DEDD2: variants seen among roughly 807,000 people sequenced by gnomAD.
DEDD2 encodes the protein DNA-binding death effector domain-containing protein 2.
A neutral mutation model predicts 28.9 loss-of-function variants in DEDD2; 18 were observed. The observed-to-expected ratio is 0.62, with a 90% CI of 0.43 to 0.92. The LOEUF is 0.92. Ranked by LOEUF, DEDD2 falls within the 40% of genes least tolerant of loss-of-function variation. The pLI is 0.00. For missense variants in DEDD2, 411 were observed against 463.3 expected, an observed-to-expected ratio of 0.89 and a Z score of 1.04; for synonymous variants, 211 against 206.1, an observed-to-expected ratio of 1.02 and a Z score of -0.20.
chr19:42,216,781 C>A lies in DEDD2; in HGVS notation c.227G>T (p.Gly76Val). 1.3e-6 allele frequency: 2 copies of A among 1,589,166 alleles called. No individual in the cohort carries two copies. Among genetic ancestry groups the A allele is most frequent in the South Asian group, 2.3e-5 (2 of 88,418 alleles). The part of the protein sequence containing the change: ...LELLLELERR[G>V]QCDESNLRLL... ...CCGCAGGTTGCTCTCGTCGCACTGC[C>A]CGCGGCGCTCCAGCTCCAGCAGGAG... Residue 76 changes from glycine (G) to valine (V), a missense_variant, in exon 2 of 5, where the codon GGG (glycine) becomes GTG (valine). Gly to Val is a moderately radical substitution (Grantham distance 109). Around this residue, in one of 2 missense-constraint regions of DEDD2, gnomAD observed 282 missense variants for 273.4 expected, o/e 1.03. Coordinates refer to ENST00000596251, the MANE Select transcript of DEDD2 (RefSeq NM_133328.4).
chr19:42,219,531 G>A (rs1204484897), upstream of DEDD2, among the ~76,000 whole-genome samples: 1 of 152,242 alleles, frequency 6.6e-6, no homozygotes, highest in Non-Finnish European at 1.5e-5. Context: ...GAACCCGGGA[G>A]GCGGAGGTTG....
intron 3 of DEDD2, 77 bp from the exon 4 acceptor site, chr19:42,209,917 T>G (rs1475315040): frequency 1.4e-6 from 2 of 1,446,694 alleles, no homozygotes; most frequent in Non-Finnish European, 1.8e-6. Context: ...GGAAAAGAAC[T>G]CAAGGTGTTC....
intron 4 of DEDD2, among the ~76,000 whole-genome samples, chr19:42,203,514 C>T (rs546585767): frequency 2.2e-4 from 33 of 152,154 alleles, no homozygotes; most frequent in Non-Finnish European, 3.7e-4. Context: ...TAAGGGAGAA[C>T]GGGCAGCCAG....
intron 4 of DEDD2, among the ~76,000 whole-genome samples, chr19:42,204,916 A>G (rs2035471547): frequency 1.3e-5 from 2 of 152,208 alleles, no homozygotes; most frequent in Non-Finnish European, 2.9e-5. Context: ...TTCAACTCCT[A>G]CTGAATTGAG....
chr19:42,212,191 C>T (rs2035796207), intron 3 of DEDD2, among the ~76,000 whole-genome samples: 1 of 151,854 alleles, frequency 6.6e-6, no homozygotes, highest in African/African-American at 2.4e-5. Context: ...CATGGTGAAA[C>T]TGCGTCCCTA....
At chr19:42,210,930 C>T (rs1199280688) in intron 3 of DEDD2, among the ~76,000 whole-genome samples, 4 of 151,548 alleles carry the variant, frequency 2.6e-5, no homozygotes, top group South Asian at 2.1e-4. Context: ...ATCAGCTGGG[C>T]GTGGTGGCGC....
At position 42,199,730 on chromosome 19, in the gene DEDD2, T is replaced by C; in HGVS notation, c.689A>G (p.Asp230Gly). The C allele has an allele frequency of 6.2e-7, 1 of 1,613,422 alleles. No individual in the cohort carries two copies. The highest frequency in any genetic ancestry group is 2.2e-5 in the East Asian group (1 of 44,864). The stretch of plus-strand genomic sequence containing the variant: ...CACTGCGGTGGCCTGCCCAAACACG[T>C]CCAGCTGCCGCGCCAGCGCCTGGGG... ...RRPQALARQL[D>G]VFGQATAVLR... The change falls in exon 5 of 5, where the codon GAC (aspartate) becomes GGC (glycine). Residue 230 changes from aspartate (D) to glycine (G), a missense_variant. Coordinates refer to ENST00000596251, the MANE Select transcript of DEDD2 (RefSeq NM_133328.4). The surrounding 1 kb of genome is among the most constrained non-coding windows in gnomAD (Gnocchi z 7.4).
Position 42,199,968 on chromosome 19 carries a change from G to A in DEDD2, c.590-139C>T, listed in dbSNP as rs1599748664. ...CCCTAGTCCTGACACAGCCTCCCCG[G>A]CTCTGTGGGGTTCCCTGACCAAGTA... On this transcript the variant is annotated intron_variant, in intron 4 of 4. Coordinates refer to ENST00000596251, the MANE Select transcript of DEDD2 (RefSeq NM_133328.4). The surrounding 1 kb of genome is among the most constrained non-coding windows in gnomAD (Gnocchi z 7.4). 1.6e-5 allele frequency: 21 copies of A among 1,319,692 alleles called. No homozygotes were observed. The East Asian group carries it at 3.8e-4, about 24-fold the overall frequency. The allele number at this position is 1,319,692 out of a possible 1,614,324, so 81.7% of individuals were successfully genotyped here. A position where few individuals can be genotyped will look rare whatever the true frequency, so the allele number is the denominator to read the frequency against.
Position 42,199,628 on chromosome 19 carries a change from C to T in DEDD2, c.791G>A (p.Gly264Asp). ...SELSYLDAFW[G>D]DYLSGALLQA... is the part of the protein sequence containing the mutation. ...CAGCAGGGCGCCACTCAGGTAGTCGCCCCAGAAGGCGTCCAGATAGGAGAG... is the reference window on the plus strand; with the variant it reads ...CAGCAGGGCGCCACTCAGGTAGTCGTCCCAGAAGGCGTCCAGATAGGAGAG... The change falls in exon 5 of 5, where the codon GGC (glycine) becomes GAC (aspartate). Residue 264 changes from glycine (G) to aspartate (D), a missense_variant. By Grantham distance (94) the Gly-to-Asp change is moderately conservative. Around this residue, in one of 2 missense-constraint regions of DEDD2, gnomAD observed 129 missense variants for 189.9 expected, o/e 0.68. Coordinates refer to ENST00000596251, the MANE Select transcript of DEDD2 (RefSeq NM_133328.4). The surrounding 1 kb of genome is among the most constrained non-coding windows in gnomAD (Gnocchi z 7.4). 15 of 1,614,154 alleles carry T rather than the reference C, an allele frequency of 9.3e-6. No individual in the cohort carries two copies. Among genetic ancestry groups the T allele is most frequent in the Non-Finnish European group, 1.3e-5 (15 of 1,179,992 alleles).
At chr19:42,210,995 A>C (rs2035737098) in intron 3 of DEDD2, among the ~76,000 whole-genome samples, 1 of 149,892 alleles carries the variant, frequency 6.7e-6, no homozygotes, top group South Asian at 2.1e-4. Context: ...GCTTGAACCC[A>C]GGAGCTGGAG....
At position 42,199,829 on chromosome 19, in the gene DEDD2, T is replaced by C; in HGVS notation, c.590A>G (p.Asp197Gly). Residue 197 changes from aspartate (D) to glycine (G), a missense_variant and splice_region_variant, in exon 5 of 5, where the codon GAC becomes GGC. Around this residue, in one of 2 missense-constraint regions of DEDD2, gnomAD observed 129 missense variants for 189.9 expected, o/e 0.68. Coordinates refer to ENST00000596251, the MANE Select transcript of DEDD2 (RefSeq NM_133328.4). The surrounding 1 kb of genome is among the most constrained non-coding windows in gnomAD (Gnocchi z 7.4). ...RPSSEGKVTC[D>G]IRLRVRAEYC... Reference sequence around the variant, plus strand: ...CTCTGCTCGAACCCGGAGCCGGATGTCTGCAGGGGAAGGAGGGATTTGTCA... The same window carrying C: ...CTCTGCTCGAACCCGGAGCCGGATGCCTGCAGGGGAAGGAGGGATTTGTCA... 6.3e-7 allele frequency: 1 copy of C among 1,585,996 alleles called. No individual in the cohort carries two copies. Among genetic ancestry groups the C allele is most frequent in the Non-Finnish European group, 8.6e-7 (1 of 1,165,556 alleles).
chr19:42,215,244 C>T lies in DEDD2; in HGVS notation c.337G>A (p.Glu113Lys). Residue 113 changes from glutamate to lysine, a missense_variant, in exon 3 of 5, where the codon GAA becomes AAA. Glu to Lys is a moderately conservative substitution (Grantham distance 56). Around this residue, in one of 2 missense-constraint regions of DEDD2, gnomAD observed 282 missense variants for 273.4 expected, o/e 1.03. Coordinates refer to ENST00000596251, the MANE Select transcript of DEDD2 (RefSeq NM_133328.4). ...CTGGAGGTGCCATAGCTATAGCGTTCTGGAGACACTGGAGGAAGAGAAGAA... is the reference window on the plus strand; with the variant it reads ...CTGGAGGTGCCATAGCTATAGCGTTTTGGAGACACTGGAGGAAGAGAAGAA... ...ARKRRRPVSPERYSYGTSSSS... is the reference protein window; with the variant it reads ...ARKRRRPVSPKRYSYGTSSSS... 1 of 1,614,054 alleles carries T rather than the reference C, an allele frequency of 6.2e-7. No individual in the cohort carries two copies. Among genetic ancestry groups the T allele is most frequent in the Non-Finnish European group, 8.5e-7 (1 of 1,179,958 alleles).
intron 4 of DEDD2, among the ~76,000 whole-genome samples, chr19:42,205,760 A>AGTCTATCTACTTTGGTGTATT (rs1438327213): frequency 2.0e-5 from 3 of 152,120 alleles, no homozygotes; most frequent in Non-Finnish European, 4.4e-5. Context: ...GGCTAAAGCT[A>AGTCTATCTACTTTGGTGTATT]GTCTATCTAC....
chr19:42,216,349 T>C (rs2035967129), intron 2 of DEDD2, among the ~76,000 whole-genome samples: 1 of 152,216 alleles, frequency 6.6e-6, no homozygotes, highest in African/African-American at 2.4e-5. Context: ...TGTTATTTTC[T>C]TGGTTACAGT....
Position 42,199,516 on chromosome 19 carries a change from C to A in DEDD2, c.903G>T (p.Glu301Asp). The part of the protein sequence containing the change: ...EAVRLLVSVD[E>D]ADYEAGRRRL... Reference sequence around the variant, plus strand: ...GGCGCCGGCCAGCCTCATAGTCAGCCTCATCCACACTGACCAGCAGGCGAA... The same window carrying A: ...GGCGCCGGCCAGCCTCATAGTCAGCATCATCCACACTGACCAGCAGGCGAA... The change falls in exon 5 of 5, where the codon GAG becomes GAT. Residue 301 changes from glutamate (E) to aspartate (D), a missense_variant. By Grantham distance (45) the Glu-to-Asp change is conservative. Coordinates refer to ENST00000596251, the MANE Select transcript of DEDD2 (RefSeq NM_133328.4). This position sits in a 1 kb window ranked among gnomAD's most constrained non-coding sequence, Gnocchi z 7.4. The A allele has an allele frequency of 6.2e-7, 1 of 1,613,984 alleles. No individual in the cohort carries two copies. Among genetic ancestry groups the A allele is most frequent in the East Asian group, 2.2e-5 (1 of 44,876 alleles).
At chr19:42,207,143 C>G (rs1431500391) in intron 4 of DEDD2, among the ~76,000 whole-genome samples, 22 of 152,158 alleles carry the variant, frequency 1.4e-4, no homozygotes, top group Admixed American at 1.4e-3. Context: ...CACCAGGCAA[C>G]CACCCCCTCA....
chr19:42,199,550 C>T lies in DEDD2; in HGVS notation c.869G>A (p.Arg290Gln), dbSNP rs1449718841. ...ACTGACCAGCAGGCGAACAGCCTCCCGGCCCACAGCCTCTCGCAGGGCCTC... is the reference window on the plus strand; with the variant it reads ...ACTGACCAGCAGGCGAACAGCCTCCTGGCCCACAGCCTCTCGCAGGGCCTC... The part of the protein sequence containing the change: ...LTEALREAVG[R>Q]EAVRLLVSVD... The change falls in exon 5 of 5, where the codon CGG becomes CAG. Residue 290 changes from arginine to glutamine, a missense_variant. Physicochemically the swap from Arg to Gln is conservative, Grantham distance 43 (BLOSUM62 1). Around this residue, in one of 2 missense-constraint regions of DEDD2, gnomAD observed 129 missense variants for 189.9 expected, o/e 0.68. Transcript: ENST00000596251. The surrounding 1 kb of genome is among the most constrained non-coding windows in gnomAD (Gnocchi z 7.4). The T allele has an allele frequency of 6.8e-6, 11 of 1,614,092 alleles. No individual in the cohort carries two copies. The highest frequency in any genetic ancestry group is 1.1e-5 in the South Asian group (1 of 91,088).
intron 4 of DEDD2, among the ~76,000 whole-genome samples, chr19:42,205,990 T>A (rs1011958970): frequency 6.6e-6 from 1 of 151,476 alleles, no homozygotes; most frequent in Non-Finnish European, 1.5e-5. Flanking sequence ...GAGGCTGAGG[T>A]TGGAGAATCA....
At position 42,199,179 on chromosome 19, in the gene DEDD2, C is replaced by T. The variant is rs1275771735; in HGVS notation, c.*259G>A. The T allele has an allele frequency of 7.4e-6, 4 of 541,012 alleles. No individual in the cohort carries two copies. The Admixed American group carries it at 1.4e-4, about 19-fold the overall frequency. 33.5% of individuals were successfully genotyped at this position (541,012 alleles called of 1,614,324 possible). Reference sequence around the variant, plus strand: ...AGCTGTGCCCCTCCCTTCTGAGATACAGGCCCAGCCCCCGCCTCCGGAGGC... The same window carrying T: ...AGCTGTGCCCCTCCCTTCTGAGATATAGGCCCAGCCCCCGCCTCCGGAGGC... On this transcript the variant is annotated 3_prime_UTR_variant, in exon 5 of 5. Coordinates refer to ENST00000596251, the MANE Select transcript of DEDD2 (RefSeq NM_133328.4). The surrounding 1 kb of genome is among the most constrained non-coding windows in gnomAD (Gnocchi z 7.4).
Sources: allele counts gnomAD v4.1 joint callset (sites outside exome capture counted in the v4.1 genomes callset), GRCh38; gene constraint gnomAD v4.1.1; regional missense constraint gnomAD v4.1.1; non-coding constraint Gnocchi (gnomAD v3.1); transcripts MANE v1.5; gene names NCBI Gene and HGNC (gene_info 2026-07-23, HGNC 2026-07-21).